Variants in HTR2B observed in about 807,000 individuals in gnomAD.
HTR2B encodes the protein 5-HT 2B receptor.
Under a neutral mutation model 39.8 loss-of-function variants are expected in HTR2B, and 31 were observed. The observed-to-expected ratio is 0.78, with a 90% CI of 0.58 to 1.05. The LOEUF (loss-of-function observed/expected upper bound fraction) is 1.05. Ranked by LOEUF, HTR2B falls within the 50% of genes least tolerant of loss-of-function variation. The pLI, the probability that HTR2B is intolerant of heterozygous loss-of-function variation, is 0.00. For synonymous variants in HTR2B, 210 were observed against 207.1 expected, an observed-to-expected ratio of 1.01 and a Z score of -0.12; for missense variants, 562 against 578.0, an observed-to-expected ratio of 0.97 and a Z score of 0.28.
chr2:231,114,652 A>G (rs1695271327), intron 2 of HTR2B, among the ~76,000 whole-genome samples: 1 of 151,928 alleles, frequency 6.6e-6, no homozygotes, highest in African/African-American at 2.4e-5. Context: ...GTAGTACTTA[A>G]TTTATTTAAC....
Position 231,123,790 on chromosome 2 carries a change from C to T in HTR2B, c.-26G>A, listed in dbSNP as rs776024369. ...TTGCTGTTTTTCTGTGATTCAATCC[C>T]GTTCCGAACAGTGGTCAGCATGGTT... is the stretch of plus-strand genomic sequence containing the variant. On this transcript the variant is annotated 5_prime_UTR_variant, in exon 2 of 4. Coordinates refer to ENST00000258400, the MANE Select transcript of HTR2B (RefSeq NM_000867.5). 3.9e-6 allele frequency: 6 copies of T among 1,536,536 alleles called. No homozygotes were observed. Among genetic ancestry groups the T allele is most frequent in the East Asian group, 2.2e-5 (1 of 44,512 alleles).
intron 3 of HTR2B, among the ~76,000 whole-genome samples, chr2:231,110,145 C>G (rs879892339): frequency 6.6e-6 from 1 of 152,126 alleles, no homozygotes; most frequent in Non-Finnish European, 1.5e-5. Flanking sequence ...CATGGCGAAA[C>G]CCCATCTCTA....
intron 3 of HTR2B, among the ~76,000 whole-genome samples, chr2:231,111,984 A>G (rs148287205): frequency 6.6e-6 from 1 of 152,340 alleles, no homozygotes; most frequent in Non-Finnish European, 1.5e-5. Context: ...TGGTCAATTT[A>G]TAAATTGATG....
chr2:231,122,234 GC>G, intron 2 of HTR2B, among the ~76,000 whole-genome samples: 1 of 152,134 alleles, frequency 6.6e-6, no homozygotes, highest in South Asian at 2.1e-4. Context: ...TTATTTTAAA[GC>G]CCAGGTAAAT....
rs368334752 is a variant in HTR2B, at chr2:231,109,318, G to A, written c.645C>T (p.Gly215=). The A allele has an allele frequency of 3.1e-6, 5 of 1,613,942 alleles. No individual in the cohort carries two copies. Among genetic ancestry groups the A allele is most frequent in the Non-Finnish European group, 3.4e-6 (4 of 1,179,918 alleles). Residue 215 remains glycine (G), a synonymous_variant, in exon 4 of 4, where the codon GGC becomes GGT. Transcript: ENST00000258400. ...CCAGTGAGCCAAAGAGCATGAAATC[G>A]CCAAAACGTTCCTTTGTCAGCACAC... ...ITCVLTKERF[G]DFMLFGSLAA...
intron 3 of HTR2B, among the ~76,000 whole-genome samples, chr2:231,110,519 A>C (rs927450644): frequency 6.6e-6 from 1 of 152,234 alleles, no homozygotes; most frequent in South Asian, 2.1e-4. Flanking sequence ...ATTGATCTTT[A>C]GAAACCTCTG....
At chr2:231,110,641 G>T (rs1301092485) in intron 3 of HTR2B, among the ~76,000 whole-genome samples, 1 of 152,172 alleles carries the variant, frequency 6.6e-6, no homozygotes, top group Non-Finnish European at 1.5e-5. Context: ...TTCTAACAGA[G>T]GTCATTACTT....
chr2:231,114,010 T>C (rs560294604), intron 2 of HTR2B, 81 bp from the exon 3 acceptor site: 5 of 1,063,252 alleles, frequency 4.7e-6, no homozygotes, highest in Non-Finnish European at 5.7e-6. Flanking sequence ...GTGATACATC[T>C]TTTGTCTTTT....
In HTR2B at chr2:231,123,929, G is replaced by T. The variant is rs186576022; in HGVS notation, c.-165C>A. On this transcript the variant is annotated 5_prime_UTR_variant, in exon 2 of 4. The change creates a premature stop within an existing upstream ORF in the 5' untranslated region. Transcript: ENST00000258400. Reference sequence around the variant, plus strand: ...AAAATTCAAGTTCTCTAAAATGAGCGCATACACACATCTGTCCATGTTTGT... The same window carrying T: ...AAAATTCAAGTTCTCTAAAATGAGCTCATACACACATCTGTCCATGTTTGT... 1 of 669,046 alleles carries T rather than the reference G, an allele frequency of 1.5e-6. No homozygotes were observed. Among genetic ancestry groups the T allele is most frequent in the Non-Finnish European group, 2.7e-6 (1 of 368,756 alleles). 41.4% of individuals were successfully genotyped at this position (669,046 alleles called of 1,614,324 possible). A position where few individuals can be genotyped will look rare whatever the true frequency, so the allele number is the denominator to read the frequency against.
At position 231,109,288 on chromosome 2, in the gene HTR2B, G is replaced by A. The variant is rs1695076418; in HGVS notation, c.675C>T (p.Ala225=). ...GDFMLFGSLA[A]FFTPLAIMIV... is the part of the protein sequence containing the mutation. ...TCATAATTGCAAGAGGTGTGAAGAA[G>A]GCAGCCAGTGAGCCAAAGAGCATGA... The change falls in exon 4 of 4, where the codon GCC becomes GCT. Residue 225 remains alanine, a synonymous_variant. Coordinates refer to ENST00000258400, the MANE Select transcript of HTR2B (RefSeq NM_000867.5). 6 of 1,614,148 alleles carry A rather than the reference G, an allele frequency of 3.7e-6. No homozygotes were observed. In the African/African-American group the frequency reaches 4.0e-5, roughly 11 times the overall value.
chr2:231,117,479 T>TG (rs1327402297), intron 2 of HTR2B, among the ~76,000 whole-genome samples: 1 of 152,146 alleles, frequency 6.6e-6, no homozygotes, highest in Non-Finnish European at 1.5e-5. Flanking sequence ...ATAGCATTTC[T>TG]GTCAATGCCT....
At chr2:231,121,596 T>A (rs919822354) in intron 2 of HTR2B, among the ~76,000 whole-genome samples, 1 of 152,218 alleles carries the variant, frequency 6.6e-6, no homozygotes, top group Admixed American at 6.5e-5. Context: ...TTCTATAGAA[T>A]ACATGGAATC....
intron 2 of HTR2B, among the ~76,000 whole-genome samples, chr2:231,115,190 C>CA (rs779451668): frequency 0.016 from 2,050 of 124,538 alleles, 51 homozygotes; most frequent in African/African-American, 0.056. Context: ...AATCTCAGAC[C>CA]AAAAAAAAAA....
intron 1 of HTR2B, 47 bp from the exon 2 acceptor site, chr2:231,124,177 G>A (rs1002362182): frequency 5.3e-5 from 10 of 187,946 alleles, no homozygotes; most frequent in Admixed American, 2.7e-4. Context: ...ATTTCTGAAA[G>A]TGGTAAAAAC....
Position 231,108,940 on chromosome 2 carries a change from A to G in HTR2B, c.1023T>C (p.Phe341=). The G allele has an allele frequency of 6.2e-7, 1 of 1,614,154 alleles. No homozygotes were observed. Among genetic ancestry groups the G allele is most frequent in the Non-Finnish European group, 8.5e-7 (1 of 1,179,980 alleles). Residue 341 remains phenylalanine, a synonymous_variant, in exon 4 of 4, where the codon TTT becomes TTC. Coordinates refer to ENST00000258400, the MANE Select transcript of HTR2B (RefSeq NM_000867.5). The part of the protein sequence containing the change: ...FLFLLMWCPF[F]ITNITLVLCD... ...ATAAAACTAAAGTTATATTTGTAAT[A>G]AAGAAGGGACACCACATAAGCAAAA...
Position 231,108,915 on chromosome 2 carries a change from A to T in HTR2B, c.1048T>A (p.Cys350Ser). The T allele has an allele frequency of 2.5e-6, 4 of 1,614,066 alleles. No homozygotes were observed. Reference protein sequence around the residue: ...FFITNITLVLCDSCNQTTLQM... With the variant: ...FFITNITLVLSDSCNQTTLQM... ...AGAGTAGTTTGGTTACAGGAATCAC[A>T]TAAAACTAAAGTTATATTTGTAATA... Residue 350 changes from cysteine (C) to serine (S), a missense_variant, in exon 4 of 4, where the codon TGT (cysteine) becomes AGT (serine). Transcript: ENST00000258400.
chr2:231,121,335 C>G (rs1245924816), intron 2 of HTR2B, among the ~76,000 whole-genome samples: 2 of 151,482 alleles, frequency 1.3e-5, no homozygotes, highest in Non-Finnish European at 2.9e-5. Flanking sequence ...TGAGGCCAGC[C>G]CAGGCAACAT....
rs567977387 is a variant in HTR2B, at chr2:231,120,543, A to G, written c.352+2870T>C. Among the ~76,000 whole-genome samples the G allele has an allele frequency of 4.8e-4, 73 of 152,300 alleles. 1 individual carries two copies. The highest frequency in any genetic ancestry group is 1.6e-3 in the African/African-American group (66 of 41,558). On this transcript the variant is annotated intron_variant, in intron 2 of 3. Coordinates refer to ENST00000258400, the MANE Select transcript of HTR2B (RefSeq NM_000867.5). ...CCTAGCACAACTCATTTGAAAGACAATGTTGTGCCTGAGTTGTCATAATCT... is the reference window on the plus strand; with the variant it reads ...CCTAGCACAACTCATTTGAAAGACAGTGTTGTGCCTGAGTTGTCATAATCT...
chr2:231,115,816 G>C (rs956140358), intron 2 of HTR2B, among the ~76,000 whole-genome samples: 2 of 152,154 alleles, frequency 1.3e-5, no homozygotes, highest in Non-Finnish European at 2.9e-5. Flanking sequence ...GTGAGGATCG[G>C]CATCACCTGG....
Sources: gnomAD v4.1 joint callset for allele counts (sites outside exome capture counted in the v4.1 genomes callset) on GRCh38, gnomAD v4.1.1 for gene constraint, MANE v1.5 for transcripts, NCBI Gene and HGNC (gene_info 2026-07-23, HGNC 2026-07-21) for gene names.